Variants in CFAP61 observed in about 807,000 individuals in gnomAD.
The protein encoded by CFAP61 is cilia- and flagella-associated protein 61.
A neutral mutation model predicts 135.6 loss-of-function variants in CFAP61; 107 were observed. That is an observed-to-expected ratio of 0.79 (90% CI 0.67 to 0.93). The LOEUF (loss-of-function observed/expected upper bound fraction) is 0.93, where lower values mean the gene tolerates loss of function less well. Among genes scored for constraint, CFAP61 ranks in the 40% least tolerant of loss-of-function variants. The pLI is 0.00. For missense variants in CFAP61, 1,507 were observed against 1,556.2 expected, an observed-to-expected ratio of 0.97 and a Z score of 0.53; for synonymous variants, 575 against 578.5, an observed-to-expected ratio of 0.99 and a Z score of 0.09.
chr20:20,297,643 C>T (rs2055741507), intron 24 of CFAP61, among the ~76,000 whole-genome samples: 1 of 152,238 alleles, frequency 6.6e-6, no homozygotes, highest in African/African-American at 2.4e-5. Flanking sequence ...TGTGTATGTG[C>T]ATCTCCCATA....
intron 22 of CFAP61, 69 bp downstream of exon 22, chr20:20,277,527 C>A: frequency 6.8e-7 from 1 of 1,476,176 alleles, no homozygotes; most frequent in South Asian, 1.3e-5. Context: ...ATTTGGGGGT[C>A]TGGAAGATTG....
chr20:20,301,222 T>A (rs906102081), intron 25 of CFAP61, among the ~76,000 whole-genome samples: 1 of 152,200 alleles, frequency 6.6e-6, no homozygotes, highest in African/African-American at 2.4e-5. Context: ...AAATCTTTTA[T>A]GCCATATTTT....
chr20:20,108,095 C>T (rs1724170779), intron 8 of CFAP61, among the ~76,000 whole-genome samples: 1 of 152,108 alleles, frequency 6.6e-6, no homozygotes, highest in Admixed American at 6.5e-5. Context: ...CTTTTTCTCC[C>T]CCATTTTGCC....
rs771052821 is a variant in CFAP61, at chr20:20,228,252, A to G, written c.1936A>G (p.Ser646Gly). 6.3e-7 allele frequency: 1 copy of G among 1,598,412 alleles called. No individual in the cohort carries two copies. The highest frequency in any genetic ancestry group is 1.1e-5 in the South Asian group (1 of 89,720). The stretch of plus-strand genomic sequence containing the variant: ...TGTCTTCGTATTTTTTTTCCAGATG[A>G]GTTATGCTTTAAACCATACAAACAG... Reference protein sequence around the residue: ...PSKAVSKDPMSYALNHTNRKL... With the variant: ...PSKAVSKDPMGYALNHTNRKL... The change falls in exon 18 of 27, where the codon AGT (serine) becomes GGT (glycine). Residue 646 changes from serine (S) to glycine (G), a missense_variant. Physicochemically the swap from Ser to Gly is moderately conservative, Grantham distance 56 (BLOSUM62 0). Transcript: ENST00000245957.
At chr20:20,273,644 C>G (rs147994098) in intron 21 of CFAP61, among the ~76,000 whole-genome samples, 54 of 152,330 alleles carry the variant, frequency 3.5e-4, no homozygotes, top group African/African-American at 1.3e-3. Context: ...TAATTACAGT[C>G]ACATCTAGTG....
intron 13 of CFAP61, among the ~76,000 whole-genome samples, chr20:20,176,870 G>T (rs1046493016): frequency 1.1e-4 from 16 of 152,104 alleles, no homozygotes; most frequent in Non-Finnish European, 4.4e-5. Context: ...ACTTAAAATA[G>T]AATTAAATTA....
Position 20,164,123 on chromosome 20 carries a change from C to T in CFAP61, c.1100C>T (p.Ser367Leu), listed in dbSNP as rs200774133. The change falls in exon 11 of 27, where the codon TCG (serine) becomes TTG (leucine). Residue 367 changes from serine (S) to leucine (L), a missense_variant. Ser to Leu is a moderately radical substitution (Grantham distance 145, BLOSUM62 -2). Coordinates refer to ENST00000245957, the MANE Select transcript of CFAP61 (RefSeq NM_015585.4). ...CATGTCAGCAGTAGGAGCTTGGCAT[C>T]GCTCGTACTGCCTGAAGAGCCCGTC... ...YHHVSSRSLASLVLPEEPVHF... is the reference protein window; with the variant it reads ...YHHVSSRSLALLVLPEEPVHF... 45 of 1,613,834 alleles carry T rather than the reference C, an allele frequency of 2.8e-5. No individual in the cohort carries two copies. The highest frequency in any genetic ancestry group is 3.3e-5 in the South Asian group (3 of 91,052).
chr20:20,204,811 A>C (rs116318016), intron 17 of CFAP61, among the ~76,000 whole-genome samples: 2,643 of 152,302 alleles, frequency 0.017, 81 homozygotes, highest in African/African-American at 0.06. Flanking sequence ...GATGGGAGGC[A>C]TATTTTCTTG....
intron 18 of CFAP61, among the ~76,000 whole-genome samples, chr20:20,230,605 G>C (rs2049056442): frequency 6.6e-6 from 1 of 152,142 alleles, no homozygotes; most frequent in East Asian, 1.9e-4. Context: ...CCAGGCTGGA[G>C]TGTATGGAGC....
intron 8 of CFAP61, among the ~76,000 whole-genome samples, chr20:20,108,161 C>T (rs977956425): frequency 6.6e-6 from 1 of 152,142 alleles, no homozygotes; most frequent in African/African-American, 2.4e-5. Flanking sequence ...GCAAGAAGCA[C>T]TGTAATGAGC....
At chr20:20,174,685 G>A (rs2054475873) in intron 13 of CFAP61, among the ~76,000 whole-genome samples, 1 of 152,122 alleles carries the variant, frequency 6.6e-6, no homozygotes, top group Admixed American at 6.5e-5. Flanking sequence ...AGAAAGGAGG[G>A]TGGCCAACCT....
intron 22 of CFAP61, among the ~76,000 whole-genome samples, chr20:20,282,007 T>G (rs570964460): frequency 6.6e-5 from 10 of 152,358 alleles, no homozygotes; most frequent in African/African-American, 2.4e-4. Flanking sequence ...TTTAAGAAAT[T>G]TGTCCATTTC....
Position 20,169,444 on chromosome 20 carries a change from C to A in CFAP61, c.1369C>A (p.Arg457=). The A allele has an allele frequency of 6.2e-7, 1 of 1,613,136 alleles. No homozygotes were observed. Among genetic ancestry groups the A allele is most frequent in the Non-Finnish European group, 8.5e-7 (1 of 1,179,478 alleles). ...TLEQDLYVFH[R]AGLLKSINIR... ...CGAGCAGGACCTCTACGTCTTCCAC[C>A]GGGCTGGATTGCTCAAGTGAGTAGA... The change falls in exon 13 of 27, where the codon CGG becomes AGG. Residue 457 remains arginine (R), a synonymous_variant. Transcript: ENST00000245957.
At chr20:20,180,895 T>G (rs1033598691) in intron 13 of CFAP61, among the ~76,000 whole-genome samples, 1 of 152,096 alleles carries the variant, frequency 6.6e-6, no homozygotes, top group Non-Finnish European at 1.5e-5. Context: ...CTTAGCATAC[T>G]AATGCAGGAA....
At chr20:20,052,731 G>A (rs1229543825) in intron 1 of CFAP61, 140 bp downstream of exon 1, 2 of 1,594,122 alleles carry the variant, frequency 1.3e-6, no homozygotes, top group African/African-American at 2.7e-5. Flanking sequence ...CCCTGCAAGG[G>A]AGTAAGAACG....
intron 25 of CFAP61, chr20:20,316,640 A>G (rs537912654): frequency 6.6e-6 from 1 of 151,982 alleles, no homozygotes; most frequent in South Asian, 2.1e-4. Context: ...GAATGCTTCC[A>G]GTTTTTTCCC....
intron 24 of CFAP61, among the ~76,000 whole-genome samples, chr20:20,297,679 G>T (rs1569263445): frequency 6.6e-6 from 1 of 152,232 alleles, no homozygotes; most frequent in African/African-American, 2.4e-5. Context: ...CCTGGGAACA[G>T]ACCTTTTCAA....
At chr20:20,298,567 G>A (rs2055823486) in intron 25 of CFAP61, among the ~76,000 whole-genome samples, 181 bp downstream of exon 25, 1 of 152,224 alleles carries the variant, frequency 6.6e-6, no homozygotes, top group South Asian at 2.1e-4. Flanking sequence ...GGAGCAGAGA[G>A]TCACAGGATG....
At chr20:20,272,503 G>A (rs2424308) in intron 21 of CFAP61, among the ~76,000 whole-genome samples, 16,681 of 152,172 alleles carry the variant, frequency 0.11, 973 homozygotes, top group Non-Finnish European at 0.12. Context: ...CATAACTGGG[G>A]CTATCTTACC....
Sources: allele counts gnomAD v4.1 joint callset (sites outside exome capture counted in the v4.1 genomes callset), GRCh38; gene constraint gnomAD v4.1.1; transcripts MANE v1.5; gene names NCBI Gene and HGNC (gene_info 2026-07-23, HGNC 2026-07-21).